PTPRR: variants seen among roughly 807,000 people sequenced by gnomAD.
The protein encoded by PTPRR is receptor-type tyrosine-protein phosphatase R.
A neutral mutation model predicts 77.2 loss-of-function variants in PTPRR; 38 were observed. The ratio of observed to expected loss-of-function variants is 0.49; its 90% CI spans 0.38 to 0.65. PTPRR has a LOEUF of 0.65. PTPRR is among the 30% of genes least tolerant of loss of function. PTPRR has a pLI of 0.00. For missense variants in PTPRR, 744 were observed against 799.2 expected, an observed-to-expected ratio of 0.93 and a Z score of 0.83; for synonymous variants, 299 against 283.1, an observed-to-expected ratio of 1.06 and a Z score of -0.57.
chr12:70,766,956 G>A (rs1021387025), intron 2 of PTPRR, among the ~76,000 whole-genome samples: 1 of 151,936 alleles, frequency 6.6e-6, no homozygotes, highest in African/African-American at 2.4e-5. Context: ...TTACAGACAA[G>A]CAAATGCTGA....
At chr12:70,892,545 C>T (rs1565732784) in intron 2 of PTPRR, 134 bp downstream of exon 2, 1 of 1,078,960 alleles carries the variant, frequency 9.3e-7, no homozygotes. Context: ...AGAAGTACCA[C>T]AGAATAAGTG....
At chr12:70,841,406 C>T (rs868131320) in intron 2 of PTPRR, among the ~76,000 whole-genome samples, 3 of 151,828 alleles carry the variant, frequency 2.0e-5, no homozygotes, top group Non-Finnish European at 2.9e-5. Flanking sequence ...CATTACAGAC[C>T]GGAAATCCTG....
chr12:70,759,694 A>C (rs1913220), intron 4 of PTPRR, among the ~76,000 whole-genome samples: 1,502 of 146,702 alleles, frequency 0.01, 31 homozygotes, highest in African/African-American at 0.037. Context: ...AAAAAAAAAA[A>C]AAAAAAAAAA....
intron 5 of PTPRR, among the ~76,000 whole-genome samples, chr12:70,750,741 T>C (rs1480970285): frequency 1.3e-5 from 2 of 152,148 alleles, no homozygotes; most frequent in African/African-American, 4.8e-5. Context: ...TTTTTATTTA[T>C]ATATTTTTCA....
intron 6 of PTPRR, among the ~76,000 whole-genome samples, chr12:70,741,357 G>A (rs1180951494): frequency 2.0e-5 from 3 of 152,126 alleles, no homozygotes; most frequent in African/African-American, 4.8e-5. Context: ...CTAAAGCAGC[G>A]GGGAGCCTCC....
chr12:70,889,106 TC>T, intron 2 of PTPRR, among the ~76,000 whole-genome samples: 1 of 152,330 alleles, frequency 6.6e-6, no homozygotes, highest in East Asian at 1.9e-4. Flanking sequence ...GGATTTGTCA[TC>T]ACTTACAACA....
At chr12:70,649,864 G>A (rs1218436772) in intron 13 of PTPRR, among the ~76,000 whole-genome samples, 1 of 152,102 alleles carries the variant, frequency 6.6e-6, no homozygotes, top group Non-Finnish European at 1.5e-5. Context: ...CTGAGACACC[G>A]TGCCGGGCCC....
intron 2 of PTPRR, among the ~76,000 whole-genome samples, chr12:70,875,502 G>T (rs774561531): frequency 2.0e-5 from 3 of 152,034 alleles, no homozygotes; most frequent in Admixed American, 6.6e-5. Context: ...AACAAAAATG[G>T]CTGCAACAAA....
rs138538558 is a variant in PTPRR, at chr12:70,660,108, C to T, written c.1766+832G>A. The stretch of plus-strand genomic sequence containing the variant: ...AGGGGAATCACTTGAGCCAAGGAGG[C>T]GGAGGTTGCAGTGAGCCGAGATAGC... On this transcript the variant is annotated intron_variant, in intron 12 of 13. Coordinates refer to ENST00000283228, the MANE Select transcript of PTPRR (RefSeq NM_002849.4). Among the ~76,000 whole-genome samples the T allele has an allele frequency of 3.6e-3, 549 of 151,552 alleles. 14 individuals carry two copies. The East Asian group carries it at 0.053, about 14-fold the overall frequency.
chr12:70,739,996 C>G (rs1889993963), intron 6 of PTPRR, among the ~76,000 whole-genome samples: 1 of 152,014 alleles, frequency 6.6e-6, no homozygotes, highest in African/African-American at 2.4e-5. Context: ...ACATCTGAGG[C>G]CCAACAAGAT....
intron 2 of PTPRR, among the ~76,000 whole-genome samples, chr12:70,852,473 T>C (rs751501494): frequency 2.0e-5 from 3 of 152,210 alleles, no homozygotes; most frequent in Non-Finnish European, 4.4e-5. Context: ...TGATTAATAC[T>C]GTATTACTTC....
intron 2 of PTPRR, among the ~76,000 whole-genome samples, chr12:70,829,596 C>T (rs73330393): frequency 0.033 from 5,083 of 152,244 alleles, 289 homozygotes; most frequent in African/African-American, 0.11. Context: ...TAAGAAAATG[C>T]GTCCTTTGAA....
Position 70,772,153 on chromosome 12 carries a change from G to C in PTPRR, c.358-7375C>G, listed in dbSNP as rs1890992230. Among the ~76,000 whole-genome samples the C allele has an allele frequency of 3.3e-5, 5 of 152,090 alleles. No homozygotes were observed. In the South Asian group the frequency reaches 1.0e-3, roughly 32 times the overall value. ...AATCATTTGAGAGATACTCAAGGTA[G>C]GGAAACCAAATCTTTATGCATTTCT... On this transcript the variant is annotated intron_variant, in intron 2 of 13. Coordinates refer to ENST00000283228, the MANE Select transcript of PTPRR (RefSeq NM_002849.4).
intron 13 of PTPRR, among the ~76,000 whole-genome samples, chr12:70,653,231 C>T (rs1270740149): frequency 1.3e-5 from 2 of 152,134 alleles, no homozygotes; most frequent in African/African-American, 2.4e-5. Flanking sequence ...AGTGCTGCTT[C>T]TCCCCCTCAG....
chr12:70,855,682 T>A (rs560110959), intron 2 of PTPRR, among the ~76,000 whole-genome samples: 1 of 152,304 alleles, frequency 6.6e-6, no homozygotes, highest in South Asian at 2.1e-4. Flanking sequence ...TCTGACTACC[T>A]CACTGAGATA....
At chr12:70,740,915 T>G (rs917134190) in intron 6 of PTPRR, among the ~76,000 whole-genome samples, 1 of 151,988 alleles carries the variant, frequency 6.6e-6, no homozygotes, top group African/African-American at 2.4e-5. Context: ...TATATATAAA[T>G]TAAATTTTAA....
At chr12:70,826,769 T>C (rs1263741859) in intron 2 of PTPRR, among the ~76,000 whole-genome samples, 1 of 152,208 alleles carries the variant, frequency 6.6e-6, no homozygotes, top group Non-Finnish European at 1.5e-5. Context: ...GTCAATACTC[T>C]GCCAAGACTC....
chr12:70,916,878 GAAC>G (rs1893782920), intron 1 of PTPRR, among the ~76,000 whole-genome samples: 1 of 152,130 alleles, frequency 6.6e-6, no homozygotes, highest in South Asian at 2.1e-4. Context: ...CTGATAGCAA[GAAC>G]AACACAGAAA....
At chr12:70,836,053 T>C (rs1327353666) in intron 2 of PTPRR, among the ~76,000 whole-genome samples, 1 of 152,108 alleles carries the variant, frequency 6.6e-6, no homozygotes. Flanking sequence ...CCTATTGGGA[T>C]GCCCATTGCA....
Sources: gnomAD v4.1 joint callset for allele counts (sites outside exome capture counted in the v4.1 genomes callset) on GRCh38, gnomAD v4.1.1 for gene constraint, MANE v1.5 for transcripts, NCBI Gene and HGNC (gene_info 2026-07-23, HGNC 2026-07-21) for gene names.